The following TCF7L2 variants were observed in gnomAD, a reference collection of about 807,000 sequenced individuals.
TCF7L2 encodes the protein transcription factor 7-like 2.
In TCF7L2, 23 loss-of-function variants were observed where a neutral mutation model predicts 77.9. That is an observed-to-expected ratio of 0.30 (90% confidence interval 0.21 to 0.42). The LOEUF (loss-of-function observed/expected upper bound fraction) is 0.42. Among genes scored for constraint, TCF7L2 ranks in the 10% least tolerant of loss-of-function variants. The probability of loss-of-function intolerance (pLI) is 1.00; values close to 1 mark genes in which losing one functional copy is unlikely to be tolerated. For synonymous variants in TCF7L2, 413 were observed against 340.2 expected (o/e 1.21, Z -2.36); for missense variants, 654 against 793.1 (o/e 0.82, Z 2.11).
intron 7 of TCF7L2, among the ~76,000 whole-genome samples, chr10:113,144,576 T>C (rs894345493): frequency 1.3e-5 from 2 of 152,174 alleles, no homozygotes; most frequent in East Asian, 1.9e-4. Context: ...ACTCCCAAGG[T>C]TGACAACAAC....
At position 113,004,749 on chromosome 10, in the gene TCF7L2, T is replaced by C. The variant is rs1214767383; in HGVS notation, c.451-35276T>C. On this transcript the variant is annotated intron_variant, in intron 4 of 13. Coordinates refer to ENST00000627217, the MANE Select transcript of TCF7L2 (RefSeq NM_001146274.2). The stretch of plus-strand genomic sequence containing the variant: ...GTGCAATGGTGCCATCTTGGCTCGC[T>C]GCAACCTCCGCCTCCCGGGTTCAAG... Among the ~76,000 whole-genome samples the C allele has an allele frequency of 2.6e-5, 4 of 152,238 alleles. No homozygotes were observed. The East Asian group carries it at 5.8e-4, about 22-fold the overall frequency.
intron 5 of TCF7L2, among the ~76,000 whole-genome samples, chr10:113,055,729 T>C (rs1210478659): frequency 6.6e-6 from 1 of 152,214 alleles, no homozygotes; most frequent in Non-Finnish European, 1.5e-5. Flanking sequence ...CAGGTGCACA[T>C]CACTGTGCCT....
At chr10:113,013,968 C>A (rs751772353) in intron 4 of TCF7L2, among the ~76,000 whole-genome samples, 1 of 152,044 alleles carries the variant, frequency 6.6e-6, no homozygotes, top group Non-Finnish European at 1.5e-5. Context: ...TTAGAAGGAA[C>A]TGAAGTTTTT....
At chr10:113,048,745 A>G (rs1467089392) in intron 5 of TCF7L2, among the ~76,000 whole-genome samples, 3 of 152,146 alleles carry the variant, frequency 2.0e-5, no homozygotes, top group East Asian at 1.9e-4. Context: ...GAGGGCTCCT[A>G]TCTCTCCTCA....
rs767353288 is a variant in TCF7L2 at position 113,141,231 on chromosome 10, C to T, written c.600C>T (p.Leu200=). ...AGCACCCTCACCATGTCCACCCCCTCACGCCTCTTATCACGTACAGCAATG... is the reference window on the plus strand; with the variant it reads ...AGCACCCTCACCATGTCCACCCCCTTACGCCTCTTATCACGTACAGCAATG... Residue 200 remains leucine (L), a synonymous_variant, in exon 6 of 14, where the codon CTC becomes CTT. Transcript: ENST00000627217. 2 of 1,614,208 alleles carry T rather than the reference C, an allele frequency of 1.2e-6. No homozygotes were observed. Among genetic ancestry groups the T allele is most frequent in the Non-Finnish European group, 1.7e-6 (2 of 1,180,044 alleles).
rs1185276904 is a variant in TCF7L2 at position 112,999,914 on chromosome 10, C to T, written c.450+35290C>T. On this transcript the variant is annotated intron_variant, in intron 4 of 13. Coordinates refer to ENST00000627217, the MANE Select transcript of TCF7L2 (RefSeq NM_001146274.2). Reference sequence around the variant, plus strand: ...CCTAATCCTGGCCATCTCGATTTACCTCCTGGATCTTGTTTTCTCATCTGT... The same window carrying T: ...CCTAATCCTGGCCATCTCGATTTACTTCCTGGATCTTGTTTTCTCATCTGT... Among the ~76,000 whole-genome samples the T allele has an allele frequency of 2.6e-5, 4 of 152,294 alleles. No individual in the cohort carries two copies. In the East Asian group the frequency reaches 5.8e-4, roughly 22 times the overall value.
intron 5 of TCF7L2, chr10:113,132,872 A>C (rs907027281): frequency 6.6e-6 from 1 of 152,138 alleles, no homozygotes; most frequent in Non-Finnish European, 1.5e-5. Context: ...GAGGATTAGG[A>C]CAGAGGGCCC....
chr10:113,112,627 T>G (rs181824622), intron 5 of TCF7L2, among the ~76,000 whole-genome samples: 1 of 152,342 alleles, frequency 6.6e-6, no homozygotes, highest in East Asian at 1.9e-4. Flanking sequence ...TTTGGGTGCC[T>G]TTCCTTGCCA....
Position 113,144,132 on chromosome 10 carries a change from GTGTGTA to G in TCF7L2, c.788+113_788+118del, listed in dbSNP as rs1443782220. 539 of 758,430 alleles carry G rather than the reference GTGTGTA, an allele frequency of 7.1e-4. 3 individuals carry two copies. In the African/African-American group the frequency reaches 8.6e-3, roughly 12 times the overall value. 47.0% of individuals were successfully genotyped at this position (758,430 alleles called of 1,614,324 possible). ...TGTGTGTGTGTGTGTGTGTGTGTGT[GTGTGTA>G]TGTGTGTGTGTTAGAAGCCAGGGTT... On this transcript the variant is annotated intron_variant, in intron 7 of 13. Transcript: ENST00000627217.
At chr10:113,081,551 G>A (rs558247050) in intron 5 of TCF7L2, among the ~76,000 whole-genome samples, 1 of 152,300 alleles carries the variant, frequency 6.6e-6, no homozygotes, top group South Asian at 2.1e-4. Flanking sequence ...AGTCATTGAT[G>A]AGCATGGTTT....
intron 4 of TCF7L2, among the ~76,000 whole-genome samples, chr10:113,007,929 A>G (rs1160889197): frequency 6.6e-6 from 1 of 152,180 alleles, no homozygotes; most frequent in Non-Finnish European, 1.5e-5. Flanking sequence ...GTGTTTCTGA[A>G]TTCTGATGGA....
At chr10:113,039,910 T>C in intron 4 of TCF7L2, 115 bp from the exon 5 acceptor site, 2 of 825,512 alleles carry the variant, frequency 2.4e-6, no homozygotes, top group East Asian at 5.3e-5. Flanking sequence ...ATTATTTGCA[T>C]GCTTGTATGT....
At chr10:113,135,564 C>T (rs1233522710) in intron 5 of TCF7L2, among the ~76,000 whole-genome samples, 1 of 152,112 alleles carries the variant, frequency 6.6e-6, no homozygotes. Context: ...TTTAATGGTT[C>T]GGCTTTTTAG....
At chr10:113,095,844 C>A (rs1430819360) in intron 5 of TCF7L2, among the ~76,000 whole-genome samples, 1 of 152,190 alleles carries the variant, frequency 6.6e-6, no homozygotes, top group Admixed American at 6.5e-5. Context: ...CCACTTGACA[C>A]CCCCCAGGGT....
chr10:113,146,751 T>C (rs1282967921), intron 8 of TCF7L2, among the ~76,000 whole-genome samples: 2 of 152,200 alleles, frequency 1.3e-5, no homozygotes, highest in Non-Finnish European at 2.9e-5. Flanking sequence ...TGTTATGTTC[T>C]TTTTTGTGCT....
intron 4 of TCF7L2, among the ~76,000 whole-genome samples, chr10:112,993,072 T>C (rs1179943323): frequency 6.6e-6 from 1 of 152,074 alleles, no homozygotes; most frequent in Non-Finnish European, 1.5e-5. Flanking sequence ...CACTGTCTTG[T>C]ATTTCTAACG....
chr10:113,091,219 T>G (rs2060366782), intron 5 of TCF7L2, among the ~76,000 whole-genome samples: 1 of 152,232 alleles, frequency 6.6e-6, no homozygotes, highest in African/African-American at 2.4e-5. Context: ...TCTTAATATT[T>G]GGATACATTT....
At chr10:113,129,824 A>C (rs1325075252) in intron 5 of TCF7L2, 1 of 1,289,384 alleles carries the variant, frequency 7.8e-7, no homozygotes, top group East Asian at 5.6e-5. Context: ...GGTACAGAGA[A>C]AGTTTTTTTA....
chr10:112,997,080 G>A (rs112911918), intron 4 of TCF7L2, among the ~76,000 whole-genome samples: 1 of 152,228 alleles, frequency 6.6e-6, no homozygotes, highest in Non-Finnish European at 1.5e-5. Flanking sequence ...GGCAGCAGGT[G>A]TCTGAAGAGA....
Sources: gnomAD v4.1 joint callset for allele counts (sites outside exome capture counted in the v4.1 genomes callset) on GRCh38, gnomAD v4.1.1 for gene constraint, MANE v1.5 for transcripts, NCBI Gene and HGNC (gene_info 2026-07-23, HGNC 2026-07-21) for gene names.